The following PDE3B variants were observed in gnomAD, a reference collection of about 807,000 sequenced individuals.
PDE3B encodes the protein phosphodiesterase 3B.
Under a neutral mutation model 116.8 loss-of-function variants are expected in PDE3B, and 66 were observed. The ratio of observed to expected loss-of-function variants is 0.56; its 90% CI spans 0.46 to 0.69. The LOEUF (loss-of-function observed/expected upper bound fraction) is 0.69, where lower values mean the gene tolerates loss of function less well. PDE3B is among the 30% of genes least tolerant of loss of function. PDE3B has a pLI of 0.00. For missense variants in PDE3B, 1,384 were observed against 1,368.1 expected (o/e 1.01, Z -0.18); for synonymous variants, 595 against 533.6 (o/e 1.12, Z -1.59).
intron 1 of PDE3B, among the ~76,000 whole-genome samples, chr11:14,750,837 A>G (rs965048747): frequency 3.9e-5 from 6 of 152,170 alleles, no homozygotes; most frequent in African/African-American, 1.2e-4. Flanking sequence ...AGTAGAGATT[A>G]TTATCTCCCT....
chr11:14,847,329 A>G (rs1437778677), intron 12 of PDE3B, among the ~76,000 whole-genome samples: 8 of 151,390 alleles, frequency 5.3e-5, no homozygotes, highest in African/African-American at 1.5e-4. Context: ...TCTCTGGGAC[A>G]CATTCAAAGC....
chr11:14,796,773 C>G (rs1858569971), intron 4 of PDE3B, among the ~76,000 whole-genome samples: 1 of 152,160 alleles, frequency 6.6e-6, no homozygotes. Context: ...AGCCCTTTGT[C>G]AGATGGATAG....
intron 4 of PDE3B, among the ~76,000 whole-genome samples, chr11:14,795,513 C>G (rs553697064): frequency 6.6e-6 from 1 of 152,060 alleles, no homozygotes; most frequent in Admixed American, 6.5e-5. Context: ...TGGGAAGATT[C>G]GGGAACTAAT....
chr11:14,763,158 G>A (rs935081712), intron 1 of PDE3B, among the ~76,000 whole-genome samples: 2 of 152,148 alleles, frequency 1.3e-5, no homozygotes, highest in East Asian at 3.8e-4. Flanking sequence ...TCAGAGAGGA[G>A]ACTGAGAAAT....
intron 2 of PDE3B, among the ~76,000 whole-genome samples, chr11:14,780,553 T>G (rs961429500): frequency 9.9e-5 from 15 of 152,016 alleles, no homozygotes; most frequent in Non-Finnish European, 2.2e-4. Flanking sequence ...AACAACCTGC[T>G]CCTGAGTGAC....
At chr11:14,677,930 C>A (rs555164404) in intron 1 of PDE3B, among the ~76,000 whole-genome samples, 1 of 152,144 alleles carries the variant, frequency 6.6e-6, no homozygotes, top group Non-Finnish European at 1.5e-5. Context: ...TTCATTCATC[C>A]TTTTTATTTG....
intron 12 of PDE3B, 54 bp from the exon 13 acceptor site, chr11:14,858,989 T>C: frequency 2.4e-6 from 3 of 1,268,982 alleles, no homozygotes; most frequent in Non-Finnish European, 3.4e-6. Flanking sequence ...ATTAAAGATA[T>C]TAAACTTTAA....
the PDE3B span, among the ~76,000 whole-genome samples, chr11:14,893,849 A>G: frequency 1.3e-5 from 2 of 152,144 alleles, no homozygotes; most frequent in Non-Finnish European, 2.9e-5. Flanking sequence ...TCACAGTTCT[A>G]GGGATTAGTA....
the PDE3B span, chr11:14,885,927 G>C: frequency 6.2e-7 from 1 of 1,612,614 alleles, no homozygotes; most frequent in Non-Finnish European, 8.5e-7. Flanking sequence ...TCTTTGAGAA[G>C]AGAAGAAAAA....
At chr11:14,739,897 G>T (rs1856714281) in intron 1 of PDE3B, among the ~76,000 whole-genome samples, 1 of 152,144 alleles carries the variant, frequency 6.6e-6, no homozygotes, top group Non-Finnish European at 1.5e-5. Flanking sequence ...TTATGTGATG[G>T]ATTACATTTA....
At chr11:14,691,159 A>G (rs1394106052) in intron 1 of PDE3B, among the ~76,000 whole-genome samples, 2 of 152,214 alleles carry the variant, frequency 1.3e-5, no homozygotes, top group African/African-American at 4.8e-5. Flanking sequence ...GCACTGTGCT[A>G]GTGCTGAGTG....
chr11:14,744,553 T>C (rs989535235), intron 1 of PDE3B, among the ~76,000 whole-genome samples: 3 of 152,244 alleles, frequency 2.0e-5, no homozygotes, highest in African/African-American at 7.2e-5. Context: ...GATGCCATTG[T>C]AAATTCTGTT....
chr11:14,860,745 C>T (rs1396732236), intron 13 of PDE3B, among the ~76,000 whole-genome samples: 2 of 152,082 alleles, frequency 1.3e-5, no homozygotes, highest in African/African-American at 4.8e-5. Context: ...AACTATAGGG[C>T]CAGCTTCTCA....
intron 4 of PDE3B, among the ~76,000 whole-genome samples, chr11:14,791,601 C>A (rs1410972310): frequency 6.6e-6 from 1 of 152,106 alleles, no homozygotes; most frequent in Non-Finnish European, 1.5e-5. Context: ...ATCACTGTGC[C>A]TATACTATTT....
rs139632425 is a variant in PDE3B, at chr11:14,739,607, G to C, written c.979-32330G>C. ...AATACCCTCTATTTCTTTCTCTTGCGTGATTGCCCTGGCCAGAACTTCCAA... is the reference window on the plus strand; with the variant it reads ...AATACCCTCTATTTCTTTCTCTTGCCTGATTGCCCTGGCCAGAACTTCCAA... On this transcript the variant is annotated intron_variant, in intron 1 of 15. Transcript: ENST00000282096. Among the ~76,000 whole-genome samples the C allele has an allele frequency of 4.5e-3, 688 of 152,050 alleles. 3 individuals carry two copies. The highest frequency in any genetic ancestry group is 0.015 in the African/African-American group (612 of 41,494).
intron 11 of PDE3B, among the ~76,000 whole-genome samples, chr11:14,842,720 C>T (rs569624250): frequency 1.2e-3 from 179 of 152,292 alleles, no homozygotes; most frequent in African/African-American, 4.0e-3. Flanking sequence ...AGCTGCTGCA[C>T]TCCAACCTGG....
At chr11:14,885,999 G>T in the PDE3B span, 1 of 1,381,090 alleles carries the variant, frequency 7.2e-7, no homozygotes, top group Non-Finnish European at 1.0e-6. Flanking sequence ...AGTGGTAAGT[G>T]CGGCTCTTCC....
chr11:14,834,522 G>A (rs1859993723), intron 10 of PDE3B, among the ~76,000 whole-genome samples: 1 of 152,194 alleles, frequency 6.6e-6, no homozygotes, highest in African/African-American at 2.4e-5. Context: ...CACTGTGCTG[G>A]ATGCTTTCAC....
chr11:14,654,982 A>C (rs898311291), intron 1 of PDE3B, among the ~76,000 whole-genome samples: 1 of 152,186 alleles, frequency 6.6e-6, no homozygotes, highest in Admixed American at 6.5e-5. Flanking sequence ...CGAACAGGAC[A>C]AATACTTAAA....
Sources: gnomAD v4.1 joint callset for allele counts (sites outside exome capture counted in the v4.1 genomes callset) on GRCh38, gnomAD v4.1.1 for gene constraint, MANE v1.5 for transcripts, NCBI Gene and HGNC (gene_info 2026-07-23, HGNC 2026-07-21) for gene names.